Variants in PTPRK observed in about 807,000 individuals in gnomAD.
PTPRK encodes the protein protein tyrosine phosphatase receptor type K, also known as receptor-type tyrosine-protein phosphatase kappa.
Under a neutral mutation model 178.0 loss-of-function variants are expected in PTPRK, and 75 were observed. The observed-to-expected ratio is 0.42, with a 90% confidence interval of 0.35 to 0.51. PTPRK has a LOEUF of 0.51. Ranked by LOEUF, PTPRK falls within the 20% of genes least tolerant of loss-of-function variation. The pLI is 0.02. For synonymous variants in PTPRK, 637 were observed against 620.6 expected, an observed-to-expected ratio of 1.03 and a Z score of -0.39; for missense variants, 1,441 against 1,797.8, an observed-to-expected ratio of 0.80 and a Z score of 3.59.
intron 13 of PTPRK, among the ~76,000 whole-genome samples, chr6:128,042,133 G>A (rs1777288128): frequency 2.0e-5 from 3 of 151,922 alleles, no homozygotes; most frequent in Admixed American, 1.3e-4. Flanking sequence ...CTAACAGTCT[G>A]TTGAAGGCAA....
intron 5 of PTPRK, among the ~76,000 whole-genome samples, chr6:128,232,733 C>G (rs921927859): frequency 1.3e-5 from 2 of 152,182 alleles, no homozygotes; most frequent in African/African-American, 4.8e-5. Context: ...GCAATTCTGA[C>G]ATCATTGTTC....
At chr6:128,193,730 C>A (rs1478144142) in intron 6 of PTPRK, among the ~76,000 whole-genome samples, 1 of 152,108 alleles carries the variant, frequency 6.6e-6, no homozygotes, top group African/African-American at 2.4e-5. Flanking sequence ...ATTTTGCATA[C>A]TGAATTTTAT....
intron 1 of PTPRK, among the ~76,000 whole-genome samples, chr6:128,490,409 A>G (rs1437605300): frequency 6.6e-6 from 1 of 152,220 alleles, no homozygotes; most frequent in African/African-American, 2.4e-5. Flanking sequence ...AGTATAGCCC[A>G]AGGTGAACAG....
intron 1 of PTPRK, among the ~76,000 whole-genome samples, chr6:128,506,786 G>A (rs1197792687): frequency 6.7e-6 from 1 of 150,254 alleles, no homozygotes; most frequent in Non-Finnish European, 1.5e-5. Flanking sequence ...TGTGGTCTTT[G>A]TTAATCAGCA....
chr6:128,000,087 A>C lies in PTPRK; in HGVS notation c.2495-1183T>G, dbSNP rs897888163. The C allele has an allele frequency of 5.1e-6, 5 of 972,976 alleles. No individual in the cohort carries two copies. In the African/African-American group the frequency reaches 7.0e-5, roughly 14 times the overall value. The allele number at this position is 972,976 out of a possible 1,614,324, so 60.3% of individuals were successfully genotyped here. On this transcript the variant is annotated intron_variant, in intron 15 of 29. Transcript: ENST00000368226. The stretch of plus-strand genomic sequence containing the variant: ...CATTTAAACTTACCACTTAAAAAAA[A>C]AAACAAATGTTTTAAGGGGTGTTAC...
Position 128,410,632 on chromosome 6 carries a change from A to T in PTPRK, c.101-12944T>A, listed in dbSNP as rs535509790. Among the ~76,000 whole-genome samples the T allele has an allele frequency of 3.3e-5, 5 of 152,306 alleles. No individual in the cohort carries two copies. The East Asian group carries it at 9.6e-4, about 29-fold the overall frequency. On this transcript the variant is annotated intron_variant, in intron 1 of 29. Coordinates refer to ENST00000368226, the MANE Select transcript of PTPRK (RefSeq NM_002844.4). ...GCAGTCCTAAATTGGAGTATCTGTG[A>T]TTTCTTTAAAGACCCTAACAGCATA...
chr6:128,231,372 T>C (rs1032323527), intron 5 of PTPRK, among the ~76,000 whole-genome samples: 5 of 152,202 alleles, frequency 3.3e-5, no homozygotes, highest in African/African-American at 1.2e-4. Flanking sequence ...AAATCACTAC[T>C]GCTTAGACAA....
At chr6:128,191,078 A>G (rs114282559) in intron 6 of PTPRK, among the ~76,000 whole-genome samples, 40 of 152,330 alleles carry the variant, frequency 2.6e-4, no homozygotes, top group African/African-American at 9.6e-4. Context: ...ACTTCTGAGA[A>G]CCATGAAATA....
At chr6:128,065,283 G>A (rs73584619) in intron 12 of PTPRK, among the ~76,000 whole-genome samples, 2,828 of 152,170 alleles carry the variant, frequency 0.019, 83 homozygotes, top group African/African-American at 0.066. Context: ...TCATAGTTAT[G>A]GTGTAATTTA....
At chr6:128,333,354 G>C (rs187145467) in intron 2 of PTPRK, among the ~76,000 whole-genome samples, 1 of 152,194 alleles carries the variant, frequency 6.6e-6, no homozygotes, top group East Asian at 1.9e-4. Context: ...TATTCTCAAA[G>C]TCAAAACATT....
intron 4 of PTPRK, among the ~76,000 whole-genome samples, chr6:128,241,770 T>G (rs942834468): frequency 6.6e-6 from 1 of 151,076 alleles, no homozygotes; most frequent in Non-Finnish European, 1.5e-5. Flanking sequence ...GTTTCTTGTT[T>G]TGTTTGCTTT....
chr6:128,387,516 A>G (rs937400867), intron 2 of PTPRK, among the ~76,000 whole-genome samples: 53 of 152,328 alleles, frequency 3.5e-4, no homozygotes, highest in African/African-American at 1.1e-3. Flanking sequence ...TTCACTGATT[A>G]TAAATGTTTC....
At chr6:128,033,647 G>A (rs1459993431) in intron 13 of PTPRK, among the ~76,000 whole-genome samples, 4 of 152,120 alleles carry the variant, frequency 2.6e-5, no homozygotes, top group African/African-American at 7.2e-5. Flanking sequence ...CAGGGTGAGA[G>A]GATTGCTTGA....
At chr6:128,504,124 G>A (rs557329811) in intron 1 of PTPRK, among the ~76,000 whole-genome samples, 112 of 152,192 alleles carry the variant, frequency 7.4e-4, no homozygotes, top group Admixed American at 3.3e-3. Context: ...AACACGTGAT[G>A]TAACTGCAAT....
chr6:128,313,908 T>C (rs916061624), intron 3 of PTPRK, among the ~76,000 whole-genome samples: 7 of 152,182 alleles, frequency 4.6e-5, no homozygotes, highest in African/African-American at 1.2e-4. Context: ...GGTCCCTTGA[T>C]AAAAATTATC....
chr6:128,213,427 G>T (rs892921717), intron 6 of PTPRK, among the ~76,000 whole-genome samples: 7 of 151,896 alleles, frequency 4.6e-5, no homozygotes, highest in Admixed American at 6.6e-5. Context: ...GGGTTTTGGG[G>T]GGTAAAATTA....
chr6:128,416,021 T>A (rs896177253), intron 1 of PTPRK, among the ~76,000 whole-genome samples: 1 of 152,084 alleles, frequency 6.6e-6, no homozygotes, highest in Non-Finnish European at 1.5e-5. Flanking sequence ...TAGTGAAGTA[T>A]CAGTACTACA....
intron 5 of PTPRK, 107 bp from the exon 6 acceptor site, chr6:128,219,203 G>T (rs11962214): frequency 0.027 from 28,757 of 1,079,654 alleles, 1,618 homozygotes; most frequent in African/African-American, 0.2. Context: ...TTGCAAAAGA[G>T]CCACAATTTT....
At chr6:128,209,472 C>A (rs1226893011) in intron 6 of PTPRK, among the ~76,000 whole-genome samples, 3 of 152,156 alleles carry the variant, frequency 2.0e-5, no homozygotes, top group African/African-American at 7.2e-5. Context: ...ACCCACCCAT[C>A]AAGAGTCCGA....
Sources: allele counts gnomAD v4.1 joint callset (sites outside exome capture counted in the v4.1 genomes callset), GRCh38; gene constraint gnomAD v4.1.1; transcripts MANE v1.5; gene names NCBI Gene and HGNC (gene_info 2026-07-23, HGNC 2026-07-21).